PLEKHH2: variants seen among roughly 807,000 people sequenced by gnomAD.
PLEKHH2 encodes the protein pleckstrin homology, MyTH4 and FERM domain containing H2, also known as pleckstrin homology domain-containing family H member 2.
PLEKHH2 carries 129 observed loss-of-function variants against 187.9 expected under a neutral mutation model. The observed-to-expected ratio is 0.69, with a 90% CI of 0.59 to 0.79. The LOEUF (loss-of-function observed/expected upper bound fraction) is 0.79, where lower values mean the gene tolerates loss of function less well. Ranked by LOEUF, PLEKHH2 falls within the 30% of genes least tolerant of loss-of-function variation. The probability of loss-of-function intolerance (pLI) is 0.00; values close to 1 mark genes in which losing one functional copy is unlikely to be tolerated. For synonymous variants in PLEKHH2, 686 were observed against 605.6 expected (o/e 1.13, Z -1.95); for missense variants, 2,076 against 1,751.2 (o/e 1.19, Z -3.31).
intron 29 of PLEKHH2, 69 bp downstream of exon 29, chr2:43,764,434 A>G (rs1672548555): frequency 6.8e-7 from 1 of 1,472,030 alleles, no homozygotes; most frequent in African/African-American, 1.4e-5. Flanking sequence ...CAGAAGGCCA[A>G]AAAGCAATGC....
chr2:43,715,623 G>A (rs1004270483), intron 15 of PLEKHH2, among the ~76,000 whole-genome samples: 1 of 152,164 alleles, frequency 6.6e-6, no homozygotes, highest in African/African-American at 2.4e-5. Flanking sequence ...ATAATGGTAA[G>A]AGGTAAAATC....
chr2:43,682,361 C>T (rs1288751192), intron 3 of PLEKHH2, among the ~76,000 whole-genome samples: 1 of 152,060 alleles, frequency 6.6e-6, no homozygotes, highest in Non-Finnish European at 1.5e-5. Flanking sequence ...GGCTGGAGTG[C>T]AGTGGTGCCA....
chr2:43,708,259 T>C (rs1427830337), intron 11 of PLEKHH2, among the ~76,000 whole-genome samples: 1 of 152,204 alleles, frequency 6.6e-6, no homozygotes. Flanking sequence ...CTGGAAACAC[T>C]GCAGTGGCTC....
At chr2:43,675,454 AG>A (rs1257027060) in intron 2 of PLEKHH2, 3 of 1,613,524 alleles carry the variant, frequency 1.9e-6, no homozygotes, top group Non-Finnish European at 2.5e-6. Context: ...GAGCCGGTAC[AG>A]GCCATACATC....
intron 2 of PLEKHH2, among the ~76,000 whole-genome samples, chr2:43,678,328 A>G (rs1026299091): frequency 6.6e-6 from 1 of 152,144 alleles, no homozygotes; most frequent in African/African-American, 2.4e-5. Context: ...CAGAGGCTGC[A>G]ATCTCGGCAC....
In PLEKHH2 at chr2:43,713,989, T is replaced by C. The variant is rs183824346; in HGVS notation, c.2460+1606T>C. On this transcript the variant is annotated intron_variant, in intron 15 of 29. Coordinates refer to ENST00000282406, the MANE Select transcript of PLEKHH2 (RefSeq NM_172069.4). ...ACTATGTACTATGTTTTTTCTAAAA[T>C]ACGACTGTGAAAATGTTTTCTTAGT... 3.4e-3 allele frequency among the ~76,000 whole-genome samples: 517 copies of C among 152,322 alleles called. 4 individuals carry two copies. The highest frequency in any genetic ancestry group is 0.012 in the African/African-American group (486 of 41,572).
chr2:43,736,765 A>G (rs1221906363), intron 19 of PLEKHH2, among the ~76,000 whole-genome samples: 2 of 152,104 alleles, frequency 1.3e-5, no homozygotes, highest in African/African-American at 4.8e-5. Flanking sequence ...CCCAGGAGGC[A>G]GAAGTTGCGC....
At chr2:43,731,392 C>A in intron 18 of PLEKHH2, 98 bp from the exon 19 acceptor site, 2 of 800,348 alleles carry the variant, frequency 2.5e-6, no homozygotes, top group Non-Finnish European at 2.0e-6. Context: ...AAGTTGTGAG[C>A]CAAGCCTGAA....
At chr2:43,744,351 G>T (rs565655109) in intron 23 of PLEKHH2, among the ~76,000 whole-genome samples, 1 of 152,246 alleles carries the variant, frequency 6.6e-6, no homozygotes, top group East Asian at 1.9e-4. Flanking sequence ...CCAGGGGCTG[G>T]CTGGACTCTG....
chr2:43,759,763 C>A (rs1672353698), intron 27 of PLEKHH2, among the ~76,000 whole-genome samples: 1 of 152,172 alleles, frequency 6.6e-6, no homozygotes, highest in African/African-American at 2.4e-5. Context: ...CCTCTTGTAC[C>A]TACTGTAGTG....
intron 15 of PLEKHH2, among the ~76,000 whole-genome samples, chr2:43,718,930 T>C (rs1328709838): frequency 2.6e-5 from 4 of 152,226 alleles, no homozygotes; most frequent in African/African-American, 9.6e-5. Context: ...GTTACTCATT[T>C]GCTTAAACCA....
At chr2:43,726,593 A>T (rs958215655) in intron 17 of PLEKHH2, 142 bp downstream of exon 17, 2 of 716,878 alleles carry the variant, frequency 2.8e-6, no homozygotes, top group African/African-American at 3.7e-5. Flanking sequence ...GAGATTCTTT[A>T]CCTCCCTGGA....
At chr2:43,725,849 G>A (rs1183050049) in intron 16 of PLEKHH2, among the ~76,000 whole-genome samples, 2 of 152,076 alleles carry the variant, frequency 1.3e-5, no homozygotes, top group African/African-American at 2.4e-5. Context: ...GGTGGCTCAC[G>A]CTTGTGATCC....
At chr2:43,712,735 AT>A (rs1433599473) in intron 15 of PLEKHH2, among the ~76,000 whole-genome samples, 1 of 152,160 alleles carries the variant, frequency 6.6e-6, no homozygotes, top group African/African-American at 2.4e-5. Flanking sequence ...ATGAACACCA[AT>A]TGGGGGAAAA....
chr2:43,744,357 C>G (rs1298936436), intron 23 of PLEKHH2, among the ~76,000 whole-genome samples: 1 of 152,162 alleles, frequency 6.6e-6, no homozygotes, highest in Non-Finnish European at 1.5e-5. Context: ...GCTGGCTGGA[C>G]TCTGTGGGGA....
At chr2:43,690,004 T>C (rs1008246278) in intron 3 of PLEKHH2, among the ~76,000 whole-genome samples, 2 of 152,250 alleles carry the variant, frequency 1.3e-5, no homozygotes, top group African/African-American at 4.8e-5. Flanking sequence ...CATTTATTTT[T>C]ATTCTTACTC....
intron 7 of PLEKHH2, among the ~76,000 whole-genome samples, chr2:43,698,662 T>TA (rs1669213481): frequency 6.6e-6 from 1 of 152,216 alleles, no homozygotes; most frequent in African/African-American, 2.4e-5. Flanking sequence ...TTTGCAAATT[T>TA]AACAAACTTC....
chr2:43,657,330 C>A (rs574620249), intron 2 of PLEKHH2, among the ~76,000 whole-genome samples: 1 of 152,084 alleles, frequency 6.6e-6, no homozygotes, highest in Admixed American at 6.5e-5. Context: ...AGGTGCACGC[C>A]GCCACACCTT....
At chr2:43,761,516 TTCTCCTG>T (rs1470245160) in intron 27 of PLEKHH2, among the ~76,000 whole-genome samples, 1 of 151,776 alleles carries the variant, frequency 6.6e-6, no homozygotes, top group African/African-American at 2.4e-5. Context: ...GTTCCAGCTG[TTCTCCTG>T]TCTCAGCCTC....
Sources: gnomAD v4.1 joint callset for allele counts (sites outside exome capture counted in the v4.1 genomes callset) on GRCh38, gnomAD v4.1.1 for gene constraint, MANE v1.5 for transcripts, NCBI Gene and HGNC (gene_info 2026-07-23, HGNC 2026-07-21) for gene names.